The following ZBTB7C variants were observed in gnomAD, a reference collection of about 807,000 sequenced individuals.
ZBTB7C encodes zinc finger and BTB domain-containing protein 7C.
Under a neutral mutation model 25.7 loss-of-function variants are expected in ZBTB7C, and 8 were observed. That is an observed-to-expected ratio of 0.31 (90% CI 0.18 to 0.56). The LOEUF (loss-of-function observed/expected upper bound fraction) is 0.56. Among genes scored for constraint, ZBTB7C ranks in the 20% least tolerant of loss-of-function variants. The pLI is 0.91. For missense variants in ZBTB7C, 824 were observed against 855.2 expected (o/e 0.96, Z 0.46); for synonymous variants, 394 against 369.0 (o/e 1.07, Z -0.78).
At chr18:48,405,795 T>C (rs1321975181) in intron 1 of ZBTB7C, among the ~76,000 whole-genome samples, 1 of 139,286 alleles carries the variant, frequency 7.2e-6, no homozygotes, top group Non-Finnish European at 1.5e-5. Context: ...TCCTGTACCC[T>C]CCCTGCAGGA....
intron 1 of ZBTB7C, among the ~76,000 whole-genome samples, chr18:48,407,436 G>A (rs2048306182): frequency 6.6e-6 from 1 of 152,224 alleles, no homozygotes; most frequent in Non-Finnish European, 1.5e-5. Context: ...CACGGGACGG[G>A]AAATATACCA....
At chr18:48,174,377 A>T (rs1416874252) in intron 3 of ZBTB7C, among the ~76,000 whole-genome samples, 1 of 152,262 alleles carries the variant, frequency 6.6e-6, no homozygotes, top group Non-Finnish European at 1.5e-5. Context: ...ATGAAAACTA[A>T]AATTATAATG....
At chr18:48,279,414 T>C (rs2044765344) in intron 2 of ZBTB7C, among the ~76,000 whole-genome samples, 1 of 152,236 alleles carries the variant, frequency 6.6e-6, no homozygotes, top group South Asian at 2.1e-4. Flanking sequence ...CAGGCAAGTC[T>C]GGCATCCCCT....
intron 3 of ZBTB7C, among the ~76,000 whole-genome samples, chr18:48,078,024 A>G (rs1478973337): frequency 6.6e-6 from 1 of 152,152 alleles, no homozygotes; most frequent in Non-Finnish European, 1.5e-5. Flanking sequence ...TGAAGGAACA[A>G]GCTGCCCCCC....
At chr18:48,121,399 CTT>C (rs11322551) in intron 3 of ZBTB7C, among the ~76,000 whole-genome samples, 9,710 of 148,704 alleles carry the variant, frequency 0.065, 657 homozygotes, top group African/African-American at 0.17. Flanking sequence ...GCTTAATACT[CTT>C]TTTTTTTTTT....
chr18:48,094,867 G>GTT (rs1397543209), intron 3 of ZBTB7C, among the ~76,000 whole-genome samples: 1 of 152,172 alleles, frequency 6.6e-6, no homozygotes, highest in African/African-American at 2.4e-5. Flanking sequence ...GAGCTGAATG[G>GTT]TTCTACCTGG....
At chr18:48,230,743 G>A (rs956337819) in intron 2 of ZBTB7C, among the ~76,000 whole-genome samples, 3 of 152,074 alleles carry the variant, frequency 2.0e-5, no homozygotes, top group Non-Finnish European at 2.9e-5. Context: ...GCAGCATGGC[G>A]CCATAGAGGA....
At chr18:48,146,828 T>C (rs1321528387) in intron 3 of ZBTB7C, among the ~76,000 whole-genome samples, 7 of 152,246 alleles carry the variant, frequency 4.6e-5, no homozygotes, top group Non-Finnish European at 1.5e-5. Context: ...AGTCATAATT[T>C]TGGTTATTGT....
Position 48,076,953 on chromosome 18 carries a change from C to T in ZBTB7C, c.-16-35830G>A, listed in dbSNP as rs1048024405. The T allele has an allele frequency of 3.0e-6, 3 of 985,120 alleles. No homozygotes were observed. The African/African-American group carries it at 5.2e-5, about 17-fold the overall frequency. The allele number at this position is 985,120 out of a possible 1,614,324, so 61.0% of individuals were successfully genotyped here. A position where few individuals can be genotyped will look rare whatever the true frequency, so the allele number is the denominator to read the frequency against. On this transcript the variant is annotated intron_variant, in intron 3 of 4. Transcript: ENST00000590800. The stretch of plus-strand genomic sequence containing the variant: ...GTACTAACCTGGCTTTAACACTTCT[C>T]CATAATGTCCTACATGTTTCTGAAC...
In ZBTB7C at chr18:48,178,750, G is replaced by A. The variant is rs183410777; in HGVS notation, c.-17+7184C>T. ...AAGTAAAGACGAAGGCCTTTCATGTGGAAGCCTCTATCAGGTCCATTCTGT... is the reference window on the plus strand; with the variant it reads ...AAGTAAAGACGAAGGCCTTTCATGTAGAAGCCTCTATCAGGTCCATTCTGT... On this transcript the variant is annotated intron_variant, in intron 3 of 4. Transcript: ENST00000590800. Among the ~76,000 whole-genome samples, 13 of 152,274 alleles carry A rather than the reference G, an allele frequency of 8.5e-5. No individual in the cohort carries two copies. In the East Asian group the frequency reaches 2.3e-3, roughly 27 times the overall value.
chr18:48,246,647 C>A (rs1482609190), intron 2 of ZBTB7C, among the ~76,000 whole-genome samples: 1 of 151,954 alleles, frequency 6.6e-6, no homozygotes, highest in East Asian at 1.9e-4. Context: ...CTCTCTGATT[C>A]TTTAAATTAT....
At chr18:48,328,053 G>A (rs2046263301) in intron 2 of ZBTB7C, among the ~76,000 whole-genome samples, 1 of 151,740 alleles carries the variant, frequency 6.6e-6, no homozygotes, top group Non-Finnish European at 1.5e-5. Flanking sequence ...GTGGTGGCGG[G>A]TGCCTGTAGT....
chr18:48,189,583 G>C (rs1237040005), intron 2 of ZBTB7C, among the ~76,000 whole-genome samples: 1 of 152,118 alleles, frequency 6.6e-6, no homozygotes, highest in Non-Finnish European at 1.5e-5. Flanking sequence ...TGTGAAATTA[G>C]CTAGTGACCT....
At chr18:48,404,863 T>G (rs896176614) in intron 1 of ZBTB7C, among the ~76,000 whole-genome samples, 6 of 152,224 alleles carry the variant, frequency 3.9e-5, no homozygotes, top group African/African-American at 1.4e-4. Context: ...GACGTGAAGA[T>G]GAGCAACATG....
intron 3 of ZBTB7C, among the ~76,000 whole-genome samples, chr18:48,176,380 A>T (rs9966375): frequency 0.039 from 6,017 of 152,338 alleles, 400 homozygotes; most frequent in African/African-American, 0.13. Flanking sequence ...AGACACAACT[A>T]AATGCAATAT....
chr18:48,162,474 A>G (rs1480098429), intron 3 of ZBTB7C: 4 of 444,540 alleles, frequency 9.0e-6, no homozygotes, highest in Non-Finnish European at 1.8e-5. Flanking sequence ...TAGGGACTTC[A>G]TAGACAGTTG....
chr18:48,204,428 G>A (rs148919551), intron 2 of ZBTB7C, among the ~76,000 whole-genome samples: 5 of 152,294 alleles, frequency 3.3e-5, no homozygotes, highest in South Asian at 2.1e-4. Context: ...GGTGGAACTG[G>A]AGAGGATGAC....
At position 48,152,311 on chromosome 18, in the gene ZBTB7C, T is replaced by C. The variant is rs182152074; in HGVS notation, c.-17+33623A>G. Among the ~76,000 whole-genome samples the C allele has an allele frequency of 3.3e-5, 5 of 152,278 alleles. No homozygotes were observed. In the East Asian group the frequency reaches 9.6e-4, roughly 29 times the overall value. Reference sequence around the variant, plus strand: ...TATTCATCAAATTTTCAAGAAAGTTTATGACCTCTAAAATGTTAAAAAAAA... The same window carrying C: ...TATTCATCAAATTTTCAAGAAAGTTCATGACCTCTAAAATGTTAAAAAAAA... On this transcript the variant is annotated intron_variant, in intron 3 of 4. Coordinates refer to ENST00000590800, the MANE Select transcript of ZBTB7C (RefSeq NM_001318841.2).
chr18:48,193,697 C>T (rs1190740141), intron 2 of ZBTB7C, among the ~76,000 whole-genome samples: 1 of 152,228 alleles, frequency 6.6e-6, no homozygotes, highest in Non-Finnish European at 1.5e-5. Flanking sequence ...CACTCACCAG[C>T]TCCTGCAGGG....
Sources: gnomAD v4.1 joint callset for allele counts (sites outside exome capture counted in the v4.1 genomes callset) on GRCh38, gnomAD v4.1.1 for gene constraint, MANE v1.5 for transcripts, NCBI Gene and HGNC (gene_info 2026-07-23, HGNC 2026-07-21) for gene names.